The following GNAQ variants were observed in gnomAD, a reference collection of about 807,000 sequenced individuals.
GNAQ encodes the protein guanine nucleotide-binding protein G(q) subunit alpha.
Under a neutral mutation model 43.9 loss-of-function variants are expected in GNAQ, and 8 were observed. That is an observed-to-expected ratio of 0.18 (90% confidence interval 0.11 to 0.33). The LOEUF (loss-of-function observed/expected upper bound fraction) is 0.33, where lower values mean the gene tolerates loss of function less well. Among genes scored for constraint, GNAQ ranks in the 10% least tolerant of loss-of-function variants. The probability of loss-of-function intolerance (pLI) is 1.00; values close to 1 mark genes in which losing one functional copy is unlikely to be tolerated. For missense variants in GNAQ, 158 were observed against 450.8 expected, an observed-to-expected ratio of 0.35 and a Z score of 5.88; for synonymous variants, 155 against 170.7, an observed-to-expected ratio of 0.91 and a Z score of 0.71.
At chr9:77,896,345 C>A (rs1828502770) in intron 2 of GNAQ, among the ~76,000 whole-genome samples, 2 of 152,230 alleles carry the variant, frequency 1.3e-5, no homozygotes, top group South Asian at 4.1e-4. Context: ...ATAAAATAAA[C>A]TCCCATAAAC....
chr9:77,903,868 C>T (rs2118169017), intron 2 of GNAQ, among the ~76,000 whole-genome samples: 1 of 152,224 alleles, frequency 6.6e-6, no homozygotes, highest in Middle Eastern at 3.4e-3. Context: ...CACCTAAAAC[C>T]CGTGCCTGTT....
intron 5 of GNAQ, among the ~76,000 whole-genome samples, chr9:77,774,644 G>A (rs1052226003): frequency 2.6e-5 from 4 of 152,128 alleles, no homozygotes; most frequent in Non-Finnish European, 5.9e-5. Context: ...TATATTTTTT[G>A]TAGAGACAGG....
At chr9:77,988,282 T>C (rs1019814571) in intron 1 of GNAQ, among the ~76,000 whole-genome samples, 1 of 152,216 alleles carries the variant, frequency 6.6e-6, no homozygotes, top group Non-Finnish European at 1.5e-5. Context: ...TGCTTTATGC[T>C]TTAGCAGGAT....
chr9:77,760,388 T>C (rs1825977600), intron 5 of GNAQ, among the ~76,000 whole-genome samples: 1 of 152,114 alleles, frequency 6.6e-6, no homozygotes, highest in African/African-American at 2.4e-5. Flanking sequence ...CGTATTTTTT[T>C]GGTGGAGACG....
intron 5 of GNAQ, among the ~76,000 whole-genome samples, chr9:77,788,010 A>T (rs1326376406): frequency 6.6e-6 from 1 of 152,204 alleles, no homozygotes; most frequent in Non-Finnish European, 1.5e-5. Flanking sequence ...CAGCCTGGGC[A>T]ACAAGAGTGA....
intron 1 of GNAQ, among the ~76,000 whole-genome samples, chr9:77,997,346 T>C (rs1587452930): frequency 6.6e-6 from 1 of 152,146 alleles, no homozygotes; most frequent in Admixed American, 6.5e-5. Context: ...ATGCCTGCCC[T>C]CCCACCCACT....
At chr9:78,002,829 C>A (rs1823660094) in intron 1 of GNAQ, among the ~76,000 whole-genome samples, 1 of 152,164 alleles carries the variant, frequency 6.6e-6, no homozygotes, top group African/African-American at 2.4e-5. Flanking sequence ...ATCATCATAT[C>A]AACTACCTTT....
At chr9:77,862,125 G>A (rs949482313) in intron 2 of GNAQ, among the ~76,000 whole-genome samples, 3 of 151,642 alleles carry the variant, frequency 2.0e-5, no homozygotes, top group East Asian at 3.9e-4. Context: ...ACAGGCATGC[G>A]TTGAGTGTCT....
At chr9:77,735,794 G>A (rs1825569861) in intron 5 of GNAQ, among the ~76,000 whole-genome samples, 1 of 152,162 alleles carries the variant, frequency 6.6e-6, no homozygotes, top group Non-Finnish European at 1.5e-5. Flanking sequence ...GTGGCCCAGT[G>A]GTGACAGGCC....
intron 2 of GNAQ, among the ~76,000 whole-genome samples, chr9:77,920,108 C>A (rs562804516): frequency 1.3e-5 from 2 of 151,808 alleles, no homozygotes; most frequent in African/African-American, 4.8e-5. Context: ...CACTGCACTC[C>A]AGCCTGATGA....
intron 2 of GNAQ, among the ~76,000 whole-genome samples, chr9:77,894,571 C>T (rs1199713065): frequency 6.6e-6 from 1 of 150,466 alleles, no homozygotes; most frequent in Non-Finnish European, 1.5e-5. Flanking sequence ...TACAGGTGCA[C>T]GTCACCATGC....
At chr9:77,900,540 G>A (rs10781471) in intron 2 of GNAQ, among the ~76,000 whole-genome samples, 2 of 151,826 alleles carry the variant, frequency 1.3e-5, no homozygotes, top group Non-Finnish European at 2.9e-5. Flanking sequence ...GTTCACTCCC[G>A]TTCACTAATT....
intron 2 of GNAQ, among the ~76,000 whole-genome samples, chr9:77,822,624 T>TAAA (rs111910216): frequency 7.6e-6 from 1 of 131,544 alleles, no homozygotes; most frequent in Non-Finnish European, 1.7e-5. Flanking sequence ...GCTTTTTGAT[T>TAAA]AAAAAAAAAA....
At chr9:77,834,351 A>G (rs1827349676) in intron 2 of GNAQ, among the ~76,000 whole-genome samples, 1 of 152,174 alleles carries the variant, frequency 6.6e-6, no homozygotes, top group Non-Finnish European at 1.5e-5. Context: ...GAAGTAGCAT[A>G]TTGCTTTTTT....
chr9:77,965,954 T>C (rs1198609780), intron 1 of GNAQ, among the ~76,000 whole-genome samples: 9 of 151,922 alleles, frequency 5.9e-5, no homozygotes, highest in Admixed American at 5.9e-4. Context: ...AGTAGATGAA[T>C]GGATAAAGAA....
chr9:77,977,562 C>T (rs1823319824), intron 1 of GNAQ, among the ~76,000 whole-genome samples: 1 of 152,142 alleles, frequency 6.6e-6, no homozygotes, highest in African/African-American at 2.4e-5. Flanking sequence ...GAAGTCAGTG[C>T]CCTGAAGCTC....
intron 2 of GNAQ, among the ~76,000 whole-genome samples, chr9:77,880,775 C>A (rs183581221): frequency 2.0e-5 from 3 of 152,102 alleles, no homozygotes; most frequent in Non-Finnish European, 4.4e-5. Flanking sequence ...CCTGCTGATA[C>A]GCATTATGCC....
At chr9:77,742,661 T>C (rs1363835739) in intron 5 of GNAQ, among the ~76,000 whole-genome samples, 1 of 151,566 alleles carries the variant, frequency 6.6e-6, no homozygotes, top group East Asian at 1.9e-4. Flanking sequence ...CAGTAGCTAT[T>C]AAACAAGTGC....
At chr9:77,721,582 C>A in intron 6 of GNAQ, 69 bp from the exon 7 acceptor site, 1 of 887,270 alleles carries the variant, frequency 1.1e-6, no homozygotes, top group South Asian at 1.5e-5. Flanking sequence ...ATCATTGGTT[C>A]AATAAATACT....
Sources: allele counts gnomAD v4.1 joint callset (sites outside exome capture counted in the v4.1 genomes callset), GRCh38; gene constraint gnomAD v4.1.1; transcripts MANE v1.5; gene names NCBI Gene and HGNC (gene_info 2026-07-23, HGNC 2026-07-21).